The following CADPS variants were observed in gnomAD, a reference collection of about 807,000 sequenced individuals.
The protein encoded by CADPS is calcium-dependent secretion activator 1.
A neutral mutation model predicts 167.3 loss-of-function variants in CADPS; 57 were observed. The observed-to-expected ratio is 0.34, with a 90% confidence interval of 0.28 to 0.42. The LOEUF (loss-of-function observed/expected upper bound fraction) is 0.42, where lower values mean the gene tolerates loss of function less well. Among genes scored for constraint, CADPS ranks in the 20% least tolerant of loss-of-function variants. The probability of loss-of-function intolerance (pLI) is 1.00; values close to 1 mark genes in which losing one functional copy is unlikely to be tolerated. For synonymous variants in CADPS, 676 were observed against 635.3 expected (o/e 1.06, Z -0.96); for missense variants, 1,414 against 1,738.1 (o/e 0.81, Z 3.32).
intron 3 of CADPS, among the ~76,000 whole-genome samples, chr3:62,664,541 C>T (rs931654325): frequency 6.6e-6 from 1 of 152,210 alleles, no homozygotes; most frequent in Non-Finnish European, 1.5e-5. Flanking sequence ...TTTTTATTCC[C>T]TTGGGAAGCC....
At chr3:62,582,156 G>A (rs2083550001) in intron 8 of CADPS, among the ~76,000 whole-genome samples, 1 of 152,176 alleles carries the variant, frequency 6.6e-6, no homozygotes, top group Non-Finnish European at 1.5e-5. Context: ...CTTAAAAATT[G>A]CTTTTTCGGC....
intron 28 of CADPS, among the ~76,000 whole-genome samples, chr3:62,410,389 A>C (rs1035885358): frequency 6.6e-6 from 1 of 152,232 alleles, no homozygotes. Flanking sequence ...TCATGTCTAA[A>C]TTCTAAACAG....
chr3:62,518,094 T>C, intron 14 of CADPS, 55 bp downstream of exon 14: 1 of 1,236,924 alleles, frequency 8.1e-7, no homozygotes. Flanking sequence ...AGTCCTTTAG[T>C]TTTCCCTTCC....
chr3:62,656,485 T>C (rs776662760), intron 4 of CADPS, among the ~76,000 whole-genome samples: 5 of 152,188 alleles, frequency 3.3e-5, no homozygotes, highest in African/African-American at 9.6e-5. Context: ...TTCTTAGCTA[T>C]GATAGGATAA....
At chr3:62,720,827 T>C (rs2075641724) in intron 3 of CADPS, among the ~76,000 whole-genome samples, 1 of 151,042 alleles carries the variant, frequency 6.6e-6, no homozygotes, top group South Asian at 2.1e-4. Context: ...TTTTTTTTTT[T>C]TTCTTTTTGA....
At chr3:62,424,276 T>G (rs768787116) in intron 28 of CADPS, among the ~76,000 whole-genome samples, 2 of 152,104 alleles carry the variant, frequency 1.3e-5, no homozygotes, top group Non-Finnish European at 2.9e-5. Flanking sequence ...CTCCGCCTCC[T>G]GGGTTCAAGT....
chr3:62,811,958 T>C (rs2094412820), intron 1 of CADPS, among the ~76,000 whole-genome samples: 1 of 152,192 alleles, frequency 6.6e-6, no homozygotes, highest in Non-Finnish European at 1.5e-5. Context: ...CTTAAATGTC[T>C]TTTATCTATG....
chr3:62,466,686 A>G (rs2059973347), intron 24 of CADPS: 3 of 445,406 alleles, frequency 6.7e-6, no homozygotes, highest in Admixed American at 6.9e-5. Context: ...TACAAATAGC[A>G]CACATGAATG....
At chr3:62,691,440 G>A (rs1422475380) in intron 3 of CADPS, among the ~76,000 whole-genome samples, 1 of 151,904 alleles carries the variant, frequency 6.6e-6, no homozygotes, top group Non-Finnish European at 1.5e-5. Context: ...GAGGAATATA[G>A]AAGATCTCTA....
chr3:62,779,771 G>A (rs1487465319), intron 1 of CADPS: 9 of 323,376 alleles, frequency 2.8e-5, no homozygotes, highest in South Asian at 1.4e-4. Context: ...CAACCTCCAC[G>A]AAGCTCCTCA....
In CADPS at chr3:62,478,140, G is replaced by A; in HGVS notation, c.3329+121C>T. On this transcript the variant is annotated intron_variant, in intron 23 of 29. Transcript: ENST00000383710. The surrounding 1 kb of genome is among the most constrained non-coding windows in gnomAD (Gnocchi z 5.7). ...CCACTACTCCAGCTGACTTTGACAA[G>A]CAATCCCCTTCTCCAATTAGTTTCA... 2 of 1,112,848 alleles carry A rather than the reference G, an allele frequency of 1.8e-6. No homozygotes were observed. The highest frequency in any genetic ancestry group is 2.1e-5 in the Admixed American group (1 of 48,694). The allele number at this position is 1,112,848 out of a possible 1,614,324, so 68.9% of individuals were successfully genotyped here. A position where few individuals can be genotyped will look rare whatever the true frequency, so the allele number is the denominator to read the frequency against.
intron 28 of CADPS, among the ~76,000 whole-genome samples, chr3:62,427,754 T>G (rs754655348): frequency 5.9e-5 from 9 of 152,214 alleles, no homozygotes; most frequent in Non-Finnish European, 2.9e-5. Flanking sequence ...ATGAATTTTC[T>G]GAACAAAAGG....
In CADPS at chr3:62,433,678, C is replaced by T. The variant is rs940005129; in HGVS notation, c.3777+4426G>A. 3.3e-5 allele frequency among the ~76,000 whole-genome samples: 5 copies of T among 152,120 alleles called. No individual in the cohort carries two copies. The highest frequency in any genetic ancestry group is 9.7e-5 in the African/African-American group (4 of 41,418). ...AGATGGCTTTTTAATCACTCATCTC[C>T]GAGCCTGTGAGGTTTAAGCAGATGA... On this transcript the variant is annotated intron_variant, in intron 28 of 29. Coordinates refer to ENST00000383710, the MANE Select transcript of CADPS (RefSeq NM_003716.4). This position sits in a 1 kb window ranked among gnomAD's most constrained non-coding sequence, Gnocchi z 4.7.
At chr3:62,491,585 A>ACACACT in intron 20 of CADPS, 105 bp from the exon 21 acceptor site, 2 of 973,538 alleles carry the variant, frequency 2.1e-6, no homozygotes, top group South Asian at 1.7e-5. Flanking sequence ...ACACACACAC[A>ACACACT]GATGATTGAT....
intron 1 of CADPS, among the ~76,000 whole-genome samples, chr3:62,767,333 T>A (rs932070187): frequency 6.6e-6 from 1 of 152,124 alleles, no homozygotes; most frequent in African/African-American, 2.4e-5. Flanking sequence ...GAGCCAGCCT[T>A]TCTGGATCAG....
In CADPS at chr3:62,655,444, T is replaced by C. The variant is rs1280678137; in HGVS notation, c.970-4364A>G. ...CCTCCAAAAAAATCTCTGTTGGCCA[T>C]TTATTTTTGTTTTGGGCTGATAACA... On this transcript the variant is annotated intron_variant, in intron 4 of 29. Transcript: ENST00000383710. 2.0e-5 allele frequency among the ~76,000 whole-genome samples: 3 copies of C among 152,300 alleles called. No homozygotes were observed. In the East Asian group the frequency reaches 5.8e-4, roughly 29 times the overall value.
intron 6 of CADPS, among the ~76,000 whole-genome samples, chr3:62,597,512 C>G (rs1264288270): frequency 6.6e-6 from 1 of 152,112 alleles, no homozygotes; most frequent in Non-Finnish European, 1.5e-5. Flanking sequence ...CTGGAGATAC[C>G]CCACTGTATG....
At chr3:62,445,313 G>C (rs2057020205) in intron 27 of CADPS, among the ~76,000 whole-genome samples, 1 of 152,058 alleles carries the variant, frequency 6.6e-6, no homozygotes, top group African/African-American at 2.4e-5. Flanking sequence ...TATTAGGTTG[G>C]TGCAAAGAAA....
intron 7 of CADPS, among the ~76,000 whole-genome samples, 169 bp from the exon 8 acceptor site, chr3:62,585,493 A>G (rs1347176139): frequency 2.0e-5 from 3 of 152,136 alleles, no homozygotes; most frequent in East Asian, 3.9e-4. Context: ...TAATTTTGTA[A>G]AAGTAAAGAT....
Sources: allele counts gnomAD v4.1 joint callset (sites outside exome capture counted in the v4.1 genomes callset), GRCh38; gene constraint gnomAD v4.1.1; non-coding constraint Gnocchi (gnomAD v3.1); transcripts MANE v1.5; gene names NCBI Gene and HGNC (gene_info 2026-07-23, HGNC 2026-07-21).